The following TMEM232 variants were observed in gnomAD, a reference collection of about 807,000 sequenced individuals.
The protein encoded by TMEM232 is transmembrane protein 232.
In TMEM232, 80 loss-of-function variants were observed where a neutral mutation model predicts 78.8. The ratio of observed to expected loss-of-function variants is 1.01; its 90% CI spans 0.85 to 1.22. TMEM232 has a LOEUF of 1.22. TMEM232 is among the 50% of genes most tolerant of loss of function. The pLI, the probability that TMEM232 is intolerant of heterozygous loss-of-function variation, is 0.00. For missense variants in TMEM232, 881 were observed against 742.2 expected (o/e 1.19, Z -2.17); for synonymous variants, 297 against 254.3 (o/e 1.17, Z -1.60).
chr5:110,545,793 G>T (rs929856589), intron 11 of TMEM232, among the ~76,000 whole-genome samples: 18 of 152,054 alleles, frequency 1.2e-4, no homozygotes, highest in African/African-American at 4.1e-4. Context: ...CATTTTAGCT[G>T]TACATATTTC....
intron 11 of TMEM232, among the ~76,000 whole-genome samples, chr5:110,557,643 G>A (rs1311591326): frequency 6.6e-6 from 1 of 152,134 alleles, no homozygotes; most frequent in Non-Finnish European, 1.5e-5. Flanking sequence ...TACATGGCTG[G>A]AGAAGGAGGA....
At chr5:110,668,765 T>G (rs1037759485) in intron 1 of TMEM232, among the ~76,000 whole-genome samples, 3 of 152,006 alleles carry the variant, frequency 2.0e-5, no homozygotes, top group African/African-American at 4.8e-5. Flanking sequence ...GAACAGAAAT[T>G]ATAACAAACT....
At chr5:110,647,494 CTTATT>C (rs1183191679) in intron 2 of TMEM232, among the ~76,000 whole-genome samples, 2 of 151,814 alleles carry the variant, frequency 1.3e-5, no homozygotes, top group African/African-American at 2.4e-5. Flanking sequence ...GTTATTATTG[CTTATT>C]TTATTGTGTA....
At chr5:110,693,362 A>G (rs1268980562) in intron 1 of TMEM232, among the ~76,000 whole-genome samples, 5 of 152,228 alleles carry the variant, frequency 3.3e-5, no homozygotes. Context: ...GAAAAAACAG[A>G]GCAGAAAAAC....
intron 1 of TMEM232, among the ~76,000 whole-genome samples, chr5:110,715,922 A>G (rs541741931): frequency 1.3e-5 from 2 of 152,268 alleles, no homozygotes; most frequent in East Asian, 3.9e-4. Flanking sequence ...CTTATTATAA[A>G]CCAGACATTC....
intron 12 of TMEM232, among the ~76,000 whole-genome samples, chr5:110,434,527 G>C (rs1242642537): frequency 2.6e-5 from 4 of 151,692 alleles, no homozygotes; most frequent in African/African-American, 9.7e-5. Context: ...AGTTCTACCA[G>C]ATATACAAAG....
chr5:110,441,216 C>T (rs1348283572), intron 12 of TMEM232, among the ~76,000 whole-genome samples: 1 of 152,110 alleles, frequency 6.6e-6, no homozygotes, highest in African/African-American at 2.4e-5. Flanking sequence ...TTAGCAATAG[C>T]TCTGGCCTCT....
intron 2 of TMEM232, among the ~76,000 whole-genome samples, chr5:110,404,794 A>G (rs73217196): frequency 0.036 from 5,482 of 152,126 alleles, 354 homozygotes; most frequent in African/African-American, 0.13. Context: ...GTACCATGGC[A>G]ACTTCTCTAC....
At chr5:110,435,921 GGA>G (rs1758381826) in intron 12 of TMEM232, among the ~76,000 whole-genome samples, 1 of 151,902 alleles carries the variant, frequency 6.6e-6, no homozygotes, top group South Asian at 2.1e-4. Context: ...AACAAATATT[GGA>G]GTGTAGATAA....
chr5:110,459,273 C>A (rs1304726948), intron 12 of TMEM232, among the ~76,000 whole-genome samples: 1 of 152,100 alleles, frequency 6.6e-6, no homozygotes, highest in East Asian at 1.9e-4. Context: ...ACTATGTGGA[C>A]AAACTCTTAT....
intron 2 of TMEM232, among the ~76,000 whole-genome samples, chr5:110,648,044 G>A (rs1454415188): frequency 6.6e-6 from 1 of 151,840 alleles, no homozygotes; most frequent in Non-Finnish European, 1.5e-5. Flanking sequence ...AGTTGATAAA[G>A]GACTCATATA....
chr5:110,648,339 T>A (rs537242565), intron 2 of TMEM232, among the ~76,000 whole-genome samples: 1 of 152,020 alleles, frequency 6.6e-6, no homozygotes, highest in Non-Finnish European at 1.5e-5. Context: ...TGGAAAACAG[T>A]TGGATGTTTT....
intron 12 of TMEM232, among the ~76,000 whole-genome samples, chr5:110,475,719 G>C (rs1763175914): frequency 6.6e-6 from 1 of 151,796 alleles, no homozygotes; most frequent in Non-Finnish European, 1.5e-5. Context: ...GCCTCCCAGA[G>C]AAAGAACTCT....
intron 12 of TMEM232, among the ~76,000 whole-genome samples, chr5:110,470,114 C>G (rs947342617): frequency 6.6e-6 from 1 of 152,074 alleles, no homozygotes; most frequent in East Asian, 1.9e-4. Context: ...AGTGCCTCAT[C>G]CCCTGAGACC....
At chr5:110,421,465 A>C (rs1756637168) in intron 13 of TMEM232, among the ~76,000 whole-genome samples, 1 of 151,852 alleles carries the variant, frequency 6.6e-6, no homozygotes, top group Admixed American at 6.6e-5. Flanking sequence ...CTTCTAATAC[A>C]TTTGATGAAG....
chr5:110,450,021 C>G lies in TMEM232; in HGVS notation c.1704-25105G>C, dbSNP rs144945197. ...ATTGGATCATGTCGCATATTTCCCC[C>G]TTGTTATTGTGATAGTGAGTTCTCA... On this transcript the variant is annotated intron_variant, in intron 12 of 13. Coordinates refer to ENST00000455884, the MANE Select transcript of TMEM232 (RefSeq NM_001039763.4). Among the ~76,000 whole-genome samples, 56 of 152,154 alleles carry G rather than the reference C, an allele frequency of 3.7e-4. No individual in the cohort carries two copies. The East Asian group carries it at 8.1e-3, about 22-fold the overall frequency.
intron 11 of TMEM232, among the ~76,000 whole-genome samples, chr5:110,533,677 G>A (rs1007028094): frequency 2.6e-5 from 4 of 152,092 alleles, no homozygotes. Context: ...TCCTGGCCCG[G>A]ACTTCAATCT....
At chr5:110,677,607 T>C (rs1267655762) in intron 1 of TMEM232, among the ~76,000 whole-genome samples, 2 of 152,324 alleles carry the variant, frequency 1.3e-5, no homozygotes, top group East Asian at 3.9e-4. Flanking sequence ...TTTTATTTTC[T>C]AAAGAAGATT....
chr5:110,427,185 T>A (rs1465615200), intron 12 of TMEM232, among the ~76,000 whole-genome samples: 3 of 151,924 alleles, frequency 2.0e-5, no homozygotes, highest in Non-Finnish European at 2.9e-5. Flanking sequence ...CTTAGGCAAA[T>A]CTCAAAGCAA....
Sources: gnomAD v4.1 joint callset for allele counts (sites outside exome capture counted in the v4.1 genomes callset) on GRCh38, gnomAD v4.1.1 for gene constraint, MANE v1.5 for transcripts, NCBI Gene and HGNC (gene_info 2026-07-23, HGNC 2026-07-21) for gene names.